The following CCDC112 variants were observed in gnomAD, a reference collection of about 807,000 sequenced individuals.
CCDC112 encodes coiled-coil domain containing 112.
CCDC112 carries 40 observed loss-of-function variants against 66.3 expected under a neutral mutation model. The observed-to-expected ratio is 0.60, with a 90% confidence interval of 0.47 to 0.79. The LOEUF is 0.79. Among genes scored for constraint, CCDC112 ranks in the 30% least tolerant of loss-of-function variants. The pLI, the probability that CCDC112 is intolerant of heterozygous loss-of-function variation, is 0.00. For synonymous variants in CCDC112, 214 were observed against 197.2 expected, an observed-to-expected ratio of 1.09 and a Z score of -0.71; for missense variants, 659 against 603.8, an observed-to-expected ratio of 1.09 and a Z score of -0.96.
intron 1 of CCDC112, among the ~76,000 whole-genome samples, chr5:115,294,930 T>C (rs1750084386): frequency 1.3e-5 from 2 of 152,080 alleles, no homozygotes; most frequent in Admixed American, 1.3e-4. Context: ...TATGCTGAGG[T>C]AGATTCTCAA....
chr5:115,294,530 A>G (rs1289754133), intron 1 of CCDC112, among the ~76,000 whole-genome samples: 1 of 152,236 alleles, frequency 6.6e-6, no homozygotes, highest in East Asian at 1.9e-4. Context: ...CTGTGAGAAA[A>G]TAAACTTTTG....
Position 115,275,409 on chromosome 5 carries a change from T to G in CCDC112, c.725A>C (p.Gln242Pro). 6.2e-7 allele frequency: 1 copy of G among 1,614,052 alleles called. No individual in the cohort carries two copies. The highest frequency in any genetic ancestry group is 8.5e-7 in the Non-Finnish European group (1 of 1,179,970). Residue 242 changes from glutamine to proline, a missense_variant, in exon 6 of 10, where the codon CAA becomes CCA. By Grantham distance (76) the Gln-to-Pro change is moderately conservative. Coordinates refer to ENST00000379611, the MANE Select transcript of CCDC112 (RefSeq NM_001040440.3). ...CCAGGCACCTTGTCGCCCTCCTGTTTGCTGAAGGAATTTTTCAAAATCTAG... is the reference window on the plus strand; with the variant it reads ...CCAGGCACCTTGTCGCCCTCCTGTTGGCTGAAGGAATTTTTCAAAATCTAG... ...EVLDFEKFLQ[Q>P]TGGRQGAWDD... is the part of the protein sequence containing the mutation.
In CCDC112 at chr5:115,284,530, A is replaced by AT. The variant is rs572037437; in HGVS notation, c.239+256dup. 3.3e-5 allele frequency among the ~76,000 whole-genome samples: 5 copies of AT among 152,096 alleles called. No individual in the cohort carries two copies. The South Asian group carries it at 6.2e-4, about 19-fold the overall frequency. ...TTATATAAAATCTAAAGAAACAGCT[A>AT]TTTTTTTTCCCTTGAAATACACAGA... On this transcript the variant is annotated intron_variant, in intron 2 of 9. Coordinates refer to ENST00000379611, the MANE Select transcript of CCDC112 (RefSeq NM_001040440.3).
At position 115,284,833 on chromosome 5, in the gene CCDC112, T is replaced by C. The variant is rs1368834561; in HGVS notation, c.193A>G (p.Thr65Ala). Reference protein sequence around the residue: ...LQNWKQKVNQTKKAEFVRTAE... With the variant: ...LQNWKQKVNQAKKAEFVRTAE... ...GTGCGTACAAATTCTGCTTTCTTAG[T>C]CTGATTAACTTTCTGCTTCCAGTTC... Residue 65 changes from threonine to alanine, a missense_variant, in exon 2 of 10, where the codon ACT becomes GCT. Transcript: ENST00000379611. 6.2e-7 allele frequency: 1 copy of C among 1,611,994 alleles called. No homozygotes were observed. Among genetic ancestry groups the C allele is most frequent in the Admixed American group, 1.7e-5 (1 of 60,008 alleles).
chr5:115,271,121 T>C (rs188324383), intron 7 of CCDC112, 92 bp downstream of exon 7: 13 of 1,193,914 alleles, frequency 1.1e-5, no homozygotes, highest in Admixed American at 4.7e-5. Flanking sequence ...ACAGGTCCAA[T>C]ATACAAATAC....
intron 6 of CCDC112, 103 bp downstream of exon 6, chr5:115,275,113 C>T: frequency 1.1e-6 from 1 of 879,694 alleles, no homozygotes; most frequent in East Asian, 2.7e-5. Context: ...ACTATAAACA[C>T]ACTTCATGGG....
chr5:115,269,119 T>A, intron 8 of CCDC112, 119 bp from the exon 9 acceptor site: 1 of 514,466 alleles, frequency 1.9e-6, no homozygotes, highest in Non-Finnish European at 3.4e-6. Flanking sequence ...ATAAAACCAT[T>A]AATAACCTCA....
At position 115,271,576 on chromosome 5, in the gene CCDC112, G is replaced by A. The variant is rs766919358; in HGVS notation, c.969C>T (p.Phe323=). 8 of 1,555,266 alleles carry A rather than the reference G, an allele frequency of 5.1e-6. No homozygotes were observed. The highest frequency in any genetic ancestry group is 1.7e-4 in the Middle Eastern group (1 of 5,768). The part of the protein sequence containing the change: ...TKKQQKREEI[F]KLKEKADNTP... ...TGTTGTCTGCCTTTTCCTTTAACTT[G>A]AAAATTTCCTCCCTTTTTTGCTGCT... The change falls in exon 7 of 10, where the codon TTC becomes TTT. Residue 323 remains phenylalanine, a synonymous_variant. Coordinates refer to ENST00000379611, the MANE Select transcript of CCDC112 (RefSeq NM_001040440.3).
chr5:115,296,283 A>T (rs1750152509), intron 1 of CCDC112, 144 bp downstream of exon 1: 1 of 1,322,102 alleles, frequency 7.6e-7, no homozygotes, highest in African/African-American at 1.5e-5. Flanking sequence ...AAGCCAACAA[A>T]GAGCAACGCC....
At chr5:115,296,390 C>A in intron 1 of CCDC112, 37 bp downstream of exon 1, 1 of 1,549,460 alleles carries the variant, frequency 6.5e-7, no homozygotes, top group Non-Finnish European at 8.6e-7. Flanking sequence ...AGCCCCTCGC[C>A]TGCCGCCAGA....
intron 1 of CCDC112, chr5:115,295,835 G>T: frequency 4.5e-5 from 42 of 937,936 alleles, no homozygotes; most frequent in Non-Finnish European, 5.1e-5. Context: ...GGGACTGGGT[G>T]TGCCGCGTAA....
At chr5:115,282,117 G>T (rs1204775667) in intron 2 of CCDC112, among the ~76,000 whole-genome samples, 1 of 152,046 alleles carries the variant, frequency 6.6e-6, no homozygotes, top group East Asian at 1.9e-4. Flanking sequence ...CATAAATATG[G>T]GCAGGTTAAA....
At chr5:115,285,921 G>A (rs1038651034) in intron 1 of CCDC112, among the ~76,000 whole-genome samples, 1 of 152,132 alleles carries the variant, frequency 6.6e-6, no homozygotes, top group Non-Finnish European at 1.5e-5. Flanking sequence ...ATCACCCAGA[G>A]GGATTGCTGA....
chr5:115,276,114 T>C (rs1351004143), intron 4 of CCDC112, 45 bp from the exon 5 acceptor site: 1 of 1,328,452 alleles, frequency 7.5e-7, no homozygotes, highest in Non-Finnish European at 1.1e-6. Context: ...TTTTCCCATA[T>C]GGCTAAAAGT....
Position 115,273,247 on chromosome 5 carries a change from G to C in CCDC112, c.919-1621C>G, listed in dbSNP as rs567200067. Among the ~76,000 whole-genome samples, 8 of 152,270 alleles carry C rather than the reference G, an allele frequency of 5.3e-5. 1 individual carries two copies. Among genetic ancestry groups the C allele is most frequent in the Admixed American group, 4.6e-4 (7 of 15,292 alleles). On this transcript the variant is annotated intron_variant, in intron 6 of 9. Transcript: ENST00000379611. ...TTGGAGGGGGAAAGAAAGAATGGAG[G>C]TTCCAGAAAGTGAGAACAAGATAAG...
chr5:115,271,404 C>T lies in CCDC112; in HGVS notation c.1141G>A (p.Glu381Lys). The change falls in exon 7 of 10, where the codon GAA becomes AAA. Residue 381 changes from glutamate to lysine, a missense_variant. By Grantham distance (56) the Glu-to-Lys change is moderately conservative. Coordinates refer to ENST00000379611, the MANE Select transcript of CCDC112 (RefSeq NM_001040440.3). ...TTCTGATGTTTTTTCTCTTTCTCTT[C>T]TTCTTCTTTTAACTGGGAAGCACAT... ...MKCASQLKEE[E>K]EKEKKHQKER... 18 of 1,608,432 alleles carry T rather than the reference C, an allele frequency of 1.1e-5. No homozygotes were observed. The highest frequency in any genetic ancestry group is 1.5e-5 in the Non-Finnish European group (18 of 1,178,932).
At chr5:115,293,030 T>C (rs1195682147) in intron 1 of CCDC112, among the ~76,000 whole-genome samples, 2 of 152,202 alleles carry the variant, frequency 1.3e-5, no homozygotes, top group Non-Finnish European at 2.9e-5. Flanking sequence ...TATTGACTTA[T>C]AGTTCTGGAG....
At chr5:115,275,957 G>T in intron 5 of CCDC112, 37 bp downstream of exon 5, 2 of 1,375,750 alleles carry the variant, frequency 1.5e-6, no homozygotes, top group Non-Finnish European at 2.0e-6. Flanking sequence ...AAAAATAAAG[G>T]TCAATAATTT....
At chr5:115,271,677 G>T in intron 6 of CCDC112, 51 bp from the exon 7 acceptor site, 2 of 1,195,156 alleles carry the variant, frequency 1.7e-6, no homozygotes, top group Non-Finnish European at 2.3e-6. Flanking sequence ...TTTTTTAATA[G>T]CCAAAAGTAT....
Sources: gnomAD v4.1 joint callset for allele counts (sites outside exome capture counted in the v4.1 genomes callset) on GRCh38, gnomAD v4.1.1 for gene constraint, MANE v1.5 for transcripts, NCBI Gene and HGNC (gene_info 2026-07-23, HGNC 2026-07-21) for gene names.